Variants in DHRSX observed in about 807,000 individuals in gnomAD.
DHRSX encodes the protein polyprenol dehydrogenase.
In DHRSX, 31 loss-of-function variants were observed where a neutral mutation model predicts 34.0. The observed-to-expected ratio is 0.91, with a 90% CI of 0.69 to 1.23. The LOEUF is 1.23. Among genes scored for constraint, DHRSX ranks in the 50% most tolerant of loss-of-function variants. The probability of loss-of-function intolerance (pLI) is 0.00; values close to 1 mark genes in which losing one functional copy is unlikely to be tolerated. For synonymous variants in DHRSX, 201 were observed against 183.8 expected (o/e 1.09, Z -0.76); for missense variants, 414 against 428.1 (o/e 0.97, Z 0.29).
chrX:2,388,540 C>T (rs2043298462), intron 3 of DHRSX, among the ~76,000 whole-genome samples: 1 of 151,882 alleles, frequency 6.6e-6, no homozygotes, highest in South Asian at 2.1e-4. Flanking sequence ...CCTGCCCATA[C>T]CCTGATCTCA....
chrX:2,467,199 G>A (rs2044509937), intron 1 of DHRSX, among the ~76,000 whole-genome samples: 1 of 151,948 alleles, frequency 6.6e-6, no homozygotes, highest in Non-Finnish European at 1.5e-5. Context: ...AGGACTTCAC[G>A]ACGCCAACTT....
chrX:2,312,576 G>A (rs2042176427), intron 3 of DHRSX, among the ~76,000 whole-genome samples: 1 of 151,922 alleles, frequency 6.6e-6, no homozygotes, highest in South Asian at 2.1e-4. Flanking sequence ...GTCTTTCGGG[G>A]ACTGGGGGAC....
At chrX:2,317,269 T>TTTTTTTTTTTTTTG (rs1569487959) in intron 3 of DHRSX, among the ~76,000 whole-genome samples, 2 of 132,844 alleles carry the variant, frequency 1.5e-5, no homozygotes, top group Non-Finnish European at 3.2e-5. Flanking sequence ...TTTTTTTTTT[T>TTTTTTTTTTTTTTG]GAGACAGAGT....
intron 3 of DHRSX, among the ~76,000 whole-genome samples, chrX:2,305,168 T>A (rs1184733862): frequency 2.0e-5 from 3 of 149,884 alleles, no homozygotes; most frequent in African/African-American, 7.4e-5. Context: ...AACACATGGA[T>A]ACAGGGAGGG....
At chrX:2,241,258 C>G (rs1188680075) in intron 6 of DHRSX, among the ~76,000 whole-genome samples, 1 of 152,098 alleles carries the variant, frequency 6.6e-6, no homozygotes, top group Admixed American at 6.6e-5. Context: ...TAATGCATCA[C>G]GACAACGAAG....
At chrX:2,423,829 A>T (rs2043810414) in intron 2 of DHRSX, among the ~76,000 whole-genome samples, 1 of 152,156 alleles carries the variant, frequency 6.6e-6, no homozygotes, top group African/African-American at 2.4e-5. Flanking sequence ...TGAAGAGGTC[A>T]CAGAGGAAGA....
intron 1 of DHRSX, among the ~76,000 whole-genome samples, chrX:2,472,735 C>CT (rs1392404492): frequency 4.6e-5 from 7 of 152,160 alleles, no homozygotes; most frequent in African/African-American, 1.7e-4. Flanking sequence ...TACCATTGCA[C>CT]TCCAGCCTGG....
Position 2,450,002 on chromosome X carries a change from C to T in DHRSX, c.110-24698G>A, listed in dbSNP as rs1320940515. 2.0e-5 allele frequency among the ~76,000 whole-genome samples: 3 copies of T among 152,160 alleles called. No individual in the cohort carries two copies. The East Asian group carries it at 5.8e-4, about 29-fold the overall frequency. ...CCCTGCTCTTTTGTAATAATACTAA[C>T]ACAGATTACCGAATTACACTGACGA... On this transcript the variant is annotated intron_variant, in intron 1 of 6. Transcript: ENST00000334651.
chrX:2,255,719 T>C (rs368519592), intron 5 of DHRSX, among the ~76,000 whole-genome samples: 231 of 151,574 alleles, frequency 1.5e-3, no homozygotes, highest in African/African-American at 5.3e-3. Context: ...GAGACCAGCC[T>C]GACCAACATG....
intron 5 of DHRSX, among the ~76,000 whole-genome samples, chrX:2,248,247 T>A (rs1362601913): frequency 6.6e-6 from 1 of 151,958 alleles, no homozygotes; most frequent in African/African-American, 2.4e-5. Context: ...TCTTGGCTAA[T>A]ACGGTGAAAC....
intron 4 of DHRSX, among the ~76,000 whole-genome samples, chrX:2,271,290 C>T (rs907849922): frequency 9.8e-5 from 15 of 152,310 alleles, no homozygotes; most frequent in Non-Finnish European, 1.3e-4. Context: ...TGAGGGTCTG[C>T]GGCTTCATTC....
chrX:2,318,298 C>T (rs950448873), intron 3 of DHRSX, among the ~76,000 whole-genome samples: 3 of 149,786 alleles, frequency 2.0e-5, no homozygotes, highest in Non-Finnish European at 4.4e-5. Context: ...CTGAGAAGGT[C>T]AAGGCTGTGC....
intron 1 of DHRSX, among the ~76,000 whole-genome samples, chrX:2,433,615 T>C (rs1315912771): frequency 6.6e-6 from 1 of 152,114 alleles, no homozygotes; most frequent in Non-Finnish European, 1.5e-5. Flanking sequence ...CCCTGTGTTC[T>C]CACTGTTCAG....
intron 3 of DHRSX, among the ~76,000 whole-genome samples, chrX:2,295,124 C>G (rs1256061799): frequency 6.6e-6 from 1 of 152,162 alleles, no homozygotes; most frequent in Non-Finnish European, 1.5e-5. Flanking sequence ...CACATGCACA[C>G]ATACGTTTAT....
At chrX:2,437,011 T>G (rs2043999879) in intron 1 of DHRSX, among the ~76,000 whole-genome samples, 1 of 152,060 alleles carries the variant, frequency 6.6e-6, no homozygotes, top group African/African-American at 2.4e-5. Flanking sequence ...CCTTTCTCTT[T>G]TTTTGAGACC....
intron 1 of DHRSX, among the ~76,000 whole-genome samples, chrX:2,484,199 CTGA>C (rs1301548809): frequency 9.2e-5 from 14 of 152,148 alleles, no homozygotes; most frequent in African/African-American, 3.4e-4. Flanking sequence ...TCTTGAACTC[CTGA>C]CCTCAGGCGA....
At chrX:2,492,480 G>T (rs1453011233) in intron 1 of DHRSX, among the ~76,000 whole-genome samples, 2 of 151,950 alleles carry the variant, frequency 1.3e-5, no homozygotes, top group Non-Finnish European at 2.9e-5. Flanking sequence ...CCCGCAGAAA[G>T]ATCTGTCCAC....
intron 3 of DHRSX, among the ~76,000 whole-genome samples, chrX:2,345,818 C>G (rs1276728482): frequency 6.6e-6 from 1 of 152,154 alleles, no homozygotes; most frequent in East Asian, 1.9e-4. Flanking sequence ...ACTTTGGACT[C>G]CAACTACATC....
At chrX:2,267,094 T>C (rs2041485611) in intron 4 of DHRSX, 147 bp from the exon 5 acceptor site, 2 of 743,486 alleles carry the variant, frequency 2.7e-6, no homozygotes, top group East Asian at 2.5e-5. Context: ...TGGGCCTCTG[T>C]TTCCTGCTTT....
Sources: gnomAD v4.1 joint callset for allele counts (sites outside exome capture counted in the v4.1 genomes callset) on GRCh38, gnomAD v4.1.1 for gene constraint, MANE v1.5 for transcripts, NCBI Gene and HGNC (gene_info 2026-07-23, HGNC 2026-07-21) for gene names.